The following POLE2 variants were observed in gnomAD, a reference collection of about 807,000 sequenced individuals.
The protein encoded by POLE2 is DNA polymerase epsilon subunit 2.
In POLE2, 56 loss-of-function variants were observed where a neutral mutation model predicts 79.4. The observed-to-expected ratio is 0.71, with a 90% CI of 0.57 to 0.88. The LOEUF (loss-of-function observed/expected upper bound fraction) is 0.88, where lower values mean the gene tolerates loss of function less well. Ranked by LOEUF, POLE2 falls within the 40% of genes least tolerant of loss-of-function variation. The pLI, the probability that POLE2 is intolerant of heterozygous loss-of-function variation, is 0.00. For missense variants in POLE2, 598 were observed against 638.9 expected (o/e 0.94, Z 0.69); for synonymous variants, 212 against 214.0 (o/e 0.99, Z 0.08).
chr14:49,688,087 G>T lies in POLE2; in HGVS notation c.68+49C>A. On this transcript the variant is annotated intron_variant, in intron 1 of 18. Coordinates refer to ENST00000216367, the MANE Select transcript of POLE2 (RefSeq NM_002692.4). Reference sequence around the variant, plus strand: ...CGTCCCGCTGCCGCACCAGGCAGACGGGCCCCAGCTCTTCCCTCTCGCCCT... The same window carrying T: ...CGTCCCGCTGCCGCACCAGGCAGACTGGCCCCAGCTCTTCCCTCTCGCCCT... 4 of 1,423,924 alleles carry T rather than the reference G, an allele frequency of 2.8e-6. No individual in the cohort carries two copies. In the South Asian group the frequency reaches 4.9e-5, roughly 17 times the overall value. The allele number at this position is 1,423,924 out of a possible 1,614,324, so 88.2% of individuals were successfully genotyped here. A position where few individuals can be genotyped will look rare whatever the true frequency, so the allele number is the denominator to read the frequency against.
intron 15 of POLE2, 102 bp downstream of exon 15, chr14:49,653,888 G>C: frequency 1.5e-6 from 1 of 654,396 alleles, no homozygotes; most frequent in Non-Finnish European, 2.7e-6. Context: ...CAACCTGCCT[G>C]CCTCGGCCTC....
At position 49,655,687 on chromosome 14, in the gene POLE2, A is replaced by G; in HGVS notation, c.912T>C (p.Leu304=). The G allele has an allele frequency of 1.2e-6, 2 of 1,607,956 alleles. No homozygotes were observed. Residue 304 remains leucine (L), a synonymous_variant, in exon 11 of 19, where the codon CTT becomes CTC. Coordinates refer to ENST00000216367, the MANE Select transcript of POLE2 (RefSeq NM_002692.4). ...WLDQVEVLEK[L]RIMFAGYSPA... ...AAGACCTACCAGCAAACATTATGCG[A>G]AGTTTTTCCAATACTTCCACCTGGT...
intron 5 of POLE2, among the ~76,000 whole-genome samples, chr14:49,670,920 AACCTCC>A (rs1885839272): frequency 6.6e-6 from 1 of 152,174 alleles, no homozygotes; most frequent in African/African-American, 2.4e-5. Flanking sequence ...GAGTTTCTGT[AACCTCC>A]AGCTCAAAAA....
chr14:49,665,677 G>GT (rs762726338), intron 7 of POLE2, among the ~76,000 whole-genome samples: 2,188 of 132,530 alleles, frequency 0.017, 24 homozygotes, highest in East Asian at 0.025. Context: ...TTTTTTCTGG[G>GT]TTTTTTTTTT....
At chr14:49,656,929 T>C (rs1238869975) in intron 10 of POLE2, among the ~76,000 whole-genome samples, 1 of 151,968 alleles carries the variant, frequency 6.6e-6, no homozygotes. Flanking sequence ...ACCAACATGG[T>C]GAAATCCACC....
chr14:49,670,450 C>T (rs1885806793), intron 5 of POLE2, among the ~76,000 whole-genome samples: 1 of 151,558 alleles, frequency 6.6e-6, no homozygotes, highest in East Asian at 1.9e-4. Flanking sequence ...GAGACAAGGC[C>T]AGAGATTAAT....
chr14:49,686,868 A>G (rs1243027045), intron 1 of POLE2, among the ~76,000 whole-genome samples: 1 of 152,118 alleles, frequency 6.6e-6, no homozygotes, highest in African/African-American at 2.4e-5. Context: ...GGCATCTCCC[A>G]AAGCACAGTT....
intron 5 of POLE2, among the ~76,000 whole-genome samples, chr14:49,670,317 C>CA (rs61383006): frequency 0.043 from 2,551 of 59,000 alleles, 415 homozygotes; most frequent in Non-Finnish European, 0.057. Context: ...ACTGTGTCTC[C>CA]AAAAAAAAAA....
At chr14:49,677,655 C>A (rs1173152726) in intron 3 of POLE2, 11 of 776,806 alleles carry the variant, frequency 1.4e-5, no homozygotes, top group Non-Finnish European at 2.3e-5. Context: ...GTGATATATG[C>A]CACAATGTTT....
At chr14:49,683,964 T>C (rs1433711122) in intron 1 of POLE2, among the ~76,000 whole-genome samples, 1 of 152,198 alleles carries the variant, frequency 6.6e-6, no homozygotes, top group Non-Finnish European at 1.5e-5. Context: ...TCTGAAATTG[T>C]TAAAAATCAC....
At chr14:49,682,639 GGAAAAAAAAAAAAA>G (rs1408991265) in intron 2 of POLE2, among the ~76,000 whole-genome samples, 1 of 101,948 alleles carries the variant, frequency 9.8e-6, no homozygotes, top group African/African-American at 5.5e-5. Context: ...TCCTTCTCAG[GGAAAAAAAAAAAAA>G]AAAAAAAAAA....
chr14:49,663,641 A>G (rs1885251945), intron 9 of POLE2, among the ~76,000 whole-genome samples: 1 of 152,204 alleles, frequency 6.6e-6, no homozygotes, highest in African/African-American at 2.4e-5. Flanking sequence ...ACAGATTAGG[A>G]AATGTTTCAT....
At chr14:49,654,260 A>G (rs777503052) in intron 13 of POLE2, 46 bp from the exon 14 acceptor site, 29 of 1,282,534 alleles carry the variant, frequency 2.3e-5, no homozygotes, top group Admixed American at 7.7e-5. Flanking sequence ...TTATTGTAAC[A>G]CTATCCAATA....
intron 17 of POLE2, among the ~76,000 whole-genome samples, chr14:49,649,247 C>G (rs528561038): frequency 3.5e-5 from 5 of 141,652 alleles, no homozygotes; most frequent in Non-Finnish European, 6.1e-5. Flanking sequence ...CCCGGGTTCA[C>G]GCCATTCTCC....
At chr14:49,683,116 A>G (rs1001737448) in intron 2 of POLE2, among the ~76,000 whole-genome samples, 3 of 152,178 alleles carry the variant, frequency 2.0e-5, no homozygotes, top group African/African-American at 7.2e-5. Flanking sequence ...GTTAAAATAA[A>G]AAAGGCCGGG....
At chr14:49,681,788 C>CCGAGATGGCGCCAT in intron 2 of POLE2, 1 of 147,616 alleles carries the variant, frequency 6.8e-6, no homozygotes, top group South Asian at 2.2e-4. Flanking sequence ...CGCCATTGCA[C>CCGAGATGGCGCCAT]TCCAGCCTAG....
At chr14:49,648,926 C>T (rs1007057000) in intron 17 of POLE2, among the ~76,000 whole-genome samples, 5 of 150,358 alleles carry the variant, frequency 3.3e-5, no homozygotes, top group African/African-American at 9.8e-5. Context: ...ATTACAGGCC[C>T]AGCATCATGC....
chr14:49,644,549 T>C (rs1370843076), intron 18 of POLE2, among the ~76,000 whole-genome samples: 1 of 151,538 alleles, frequency 6.6e-6, no homozygotes, highest in East Asian at 1.9e-4. Context: ...TATAAGCACA[T>C]GTATATGTGG....
intron 14 of POLE2, 26 bp from the exon 15 acceptor site, chr14:49,654,093 G>T: frequency 6.3e-7 from 1 of 1,583,116 alleles, no homozygotes; most frequent in Non-Finnish European, 8.7e-7. Flanking sequence ...ATGTGATATA[G>T]TTTATCTTTT....
Sources: gnomAD v4.1 joint callset for allele counts (sites outside exome capture counted in the v4.1 genomes callset) on GRCh38, gnomAD v4.1.1 for gene constraint, MANE v1.5 for transcripts, NCBI Gene and HGNC (gene_info 2026-07-23, HGNC 2026-07-21) for gene names.